FAM83D: variants seen among roughly 807,000 people sequenced by gnomAD.
FAM83D encodes the protein protein FAM83D.
FAM83D carries 26 observed loss-of-function variants against 25.4 expected under a neutral mutation model. The ratio of observed to expected loss-of-function variants is 1.02; its 90% confidence interval spans 0.75 to 1.42. The LOEUF is 1.42. Ranked by LOEUF, FAM83D falls within the 40% of genes most tolerant of loss-of-function variation. FAM83D has a pLI of 0.00. For missense variants in FAM83D, 740 were observed against 758.1 expected (o/e 0.98, Z 0.28); for synonymous variants, 310 against 318.5 (o/e 0.97, Z 0.28).
chr20:38,927,054 G>C, intron 1 of FAM83D, 129 bp downstream of exon 1: 1 of 1,377,394 alleles, frequency 7.3e-7, no homozygotes, highest in Non-Finnish European at 9.3e-7. Context: ...GCGCGGGCTA[G>C]GTGGTCCCAG....
intron 1 of FAM83D, among the ~76,000 whole-genome samples, chr20:38,927,258 G>A (rs2085640059): frequency 6.6e-6 from 1 of 152,148 alleles, no homozygotes. Context: ...ATCAAACTTG[G>A]AAAATTGCCT....
intron 2 of FAM83D, 45 bp from the exon 3 acceptor site, chr20:38,947,831 A>G: frequency 6.2e-7 from 1 of 1,603,826 alleles, no homozygotes; most frequent in Non-Finnish European, 8.5e-7. Context: ...GCAGATGAGT[A>G]TTGCTGAATT....
At chr20:38,940,676 G>A (rs2085697942) in intron 1 of FAM83D, among the ~76,000 whole-genome samples, 1 of 152,158 alleles carries the variant, frequency 6.6e-6, no homozygotes, top group South Asian at 2.1e-4. Context: ...AGTTTGTCAG[G>A]ACCTGTTTCT....
At chr20:38,933,213 G>A (rs910556611) in intron 1 of FAM83D, among the ~76,000 whole-genome samples, 3 of 152,268 alleles carry the variant, frequency 2.0e-5, no homozygotes, top group East Asian at 1.9e-4. Flanking sequence ...CCATTCACTC[G>A]ATGCCAATAG....
chr20:38,931,509 TC>T (rs540776610), intron 1 of FAM83D, among the ~76,000 whole-genome samples: 95 of 152,278 alleles, frequency 6.2e-4, no homozygotes, highest in African/African-American at 2.2e-3. Context: ...ACATGAAGGG[TC>T]CCACTTAACC....
At position 38,930,035 on chromosome 20, in the gene FAM83D, G is replaced by C. The variant is rs548077979; in HGVS notation, c.483+3110G>C. Reference sequence around the variant, plus strand: ...AGGGTTCAGGAGCCTGTGCTCAGGTGGGGAGAGGTGACAGCAGATCTGGTG... The same window carrying C: ...AGGGTTCAGGAGCCTGTGCTCAGGTCGGGAGAGGTGACAGCAGATCTGGTG... On this transcript the variant is annotated intron_variant, in intron 1 of 3. Transcript: ENST00000619850. Among the ~76,000 whole-genome samples, 17 of 152,322 alleles carry C rather than the reference G, an allele frequency of 1.1e-4. No individual in the cohort carries two copies. The East Asian group carries it at 2.7e-3, about 24-fold the overall frequency.
chr20:38,926,681 CG>C lies in FAM83D; in HGVS notation c.241del (p.Ala81ArgfsTer82). On this transcript the variant is annotated frameshift_variant, in exon 1 of 4. Coordinates refer to ENST00000619850, the MANE Select transcript of FAM83D (RefSeq NM_030919.3). LOFTEE classifies it high-confidence loss of function. The part of the protein sequence containing the change: ...RAAERPGEEG[A>X]AAAAAAEDSF... ...GCGGAGAGGCCGGGAGAGGAGGGCG[CG>C]GCGGCGGCGGCGGCGGCCGAGGACT... The C allele has an allele frequency of 7.1e-7, 1 of 1,407,788 alleles. No homozygotes were observed. Among genetic ancestry groups the C allele is most frequent in the Non-Finnish European group, 9.4e-7 (1 of 1,064,230 alleles). The allele number at this position is 1,407,788 out of a possible 1,614,324, so 87.2% of individuals were successfully genotyped here.
intron 1 of FAM83D, among the ~76,000 whole-genome samples, chr20:38,929,887 A>G (rs1404901429): frequency 1.3e-5 from 2 of 152,086 alleles, no homozygotes; most frequent in Non-Finnish European, 1.5e-5. Flanking sequence ...TTTACAGCTG[A>G]TAGAACTGAG....
intron 1 of FAM83D, among the ~76,000 whole-genome samples, chr20:38,929,566 G>A (rs60982917): frequency 0.027 from 4,110 of 151,310 alleles, 200 homozygotes; most frequent in African/African-American, 0.094. Context: ...AATGAGTTGG[G>A]TTTGAGACAG....
intron 2 of FAM83D, among the ~76,000 whole-genome samples, chr20:38,945,850 C>A (rs1173357454): frequency 2.0e-5 from 3 of 150,628 alleles, no homozygotes; most frequent in South Asian, 2.1e-4. Context: ...CATCAACCAG[C>A]CTCCCAAGTA....
At chr20:38,940,475 G>A (rs1192160301) in intron 1 of FAM83D, among the ~76,000 whole-genome samples, 2 of 152,302 alleles carry the variant, frequency 1.3e-5, no homozygotes, top group African/African-American at 4.8e-5. Flanking sequence ...CCATTCAAGA[G>A]CCTTTGCTGC....
rs534813259 is a variant in FAM83D, at chr20:38,926,679, C to CGCGGCGGCG, written c.249_257dup (p.Ala84_Ala86dup). The CGCGGCGGCG allele has an allele frequency of 1.1e-5, 17 of 1,519,840 alleles. No homozygotes were observed. Among genetic ancestry groups the CGCGGCGGCG allele is most frequent in the East Asian group, 2.5e-5 (1 of 39,808 alleles). The allele number at this position is 1,519,840 out of a possible 1,614,324, so 94.1% of individuals were successfully genotyped here. A position where few individuals can be genotyped will look rare whatever the true frequency, so the allele number is the denominator to read the frequency against. ...CGGCGGAGAGGCCGGGAGAGGAGGG[C>CGCGGCGGCG]GCGGCGGCGGCGGCGGCGGCCGAGG... On this transcript the variant is annotated inframe_insertion, in exon 1 of 4. Transcript: ENST00000619850.
intron 1 of FAM83D, 151 bp downstream of exon 1, chr20:38,927,076 C>T: frequency 7.5e-7 from 1 of 1,327,044 alleles, no homozygotes; most frequent in Non-Finnish European, 9.7e-7. Context: ...GTCTCCGACT[C>T]ACACCCCACT....
At position 38,926,853 on chromosome 20, in the gene FAM83D, C is replaced by T; in HGVS notation, c.411C>T (p.Pro137=). The T allele has an allele frequency of 1.3e-6, 2 of 1,524,742 alleles. No individual in the cohort carries two copies. The highest frequency in any genetic ancestry group is 1.4e-5 in the African/African-American group (1 of 72,164). 94.5% of individuals were successfully genotyped at this position (1,524,742 alleles called of 1,614,324 possible). ...GATRVETHFQ[P]RGAGEGGPYG... ...CGCGTGTCGAGACGCACTTCCAGCC[C>T]CGCGGCGCTGGCGAAGGTGGCCCCT... The change falls in exon 1 of 4, where the codon CCC becomes CCT. Residue 137 remains proline (P), a synonymous_variant. Transcript: ENST00000619850.
At chr20:38,939,130 G>A (rs1279102889) in intron 1 of FAM83D, among the ~76,000 whole-genome samples, 3 of 152,056 alleles carry the variant, frequency 2.0e-5, no homozygotes, top group Admixed American at 1.3e-4. Flanking sequence ...TACATACCCC[G>A]TCATGCCCTA....
At position 38,952,227 on chromosome 20, in the gene FAM83D, A is replaced by G. The variant is rs2085759041; in HGVS notation, c.1465A>G (p.Ser489Gly). 1.9e-6 allele frequency: 3 copies of G among 1,614,148 alleles called. No homozygotes were observed. Among genetic ancestry groups the G allele is most frequent in the South Asian group, 2.2e-5 (2 of 91,082 alleles). Residue 489 changes from serine (S) to glycine (G), a missense_variant, in exon 4 of 4, where the codon AGC (serine) becomes GGC (glycine). This residue lies in a region of FAM83D where 375 missense variants were observed against 403.2 expected (regional missense o/e 0.93). Coordinates refer to ENST00000619850, the MANE Select transcript of FAM83D (RefSeq NM_030919.3). The stretch of plus-strand genomic sequence containing the variant: ...TGTGTCTTCCCAAGGCTCTGTGGCA[A>G]GCTCCACTGGTTCTCCCGCTTCCAT... ...SSVSSQGSVA[S>G]STGSPASIRT... is the part of the protein sequence containing the mutation.
Position 38,926,695 on chromosome 20 carries a change from G to A in FAM83D, c.253G>A (p.Ala85Thr). ...AGAGGAGGGCGCGGCGGCGGCGGCG[G>A]CGGCCGAGGACTCGTTCGGCTCCTC... is the stretch of plus-strand genomic sequence containing the variant. ...PGEEGAAAAA[A>T]AEDSFGSSHD... is the part of the protein sequence containing the mutation. Residue 85 changes from alanine (A) to threonine (T), a missense_variant, in exon 1 of 4, where the codon GCG (alanine) becomes ACG (threonine). By Grantham distance (58) the Ala-to-Thr change is moderately conservative. This residue lies in a region of FAM83D where 333 missense variants were observed against 298.6 expected (regional missense o/e 1.12). Coordinates refer to ENST00000619850, the MANE Select transcript of FAM83D (RefSeq NM_030919.3). 1.3e-6 allele frequency: 2 copies of A among 1,520,722 alleles called. No homozygotes were observed. Among genetic ancestry groups the A allele is most frequent in the Non-Finnish European group, 1.8e-6 (2 of 1,140,956 alleles). The allele number at this position is 1,520,722 out of a possible 1,614,324, so 94.2% of individuals were successfully genotyped here.
At position 38,947,907 on chromosome 20, in the gene FAM83D, T is replaced by C; in HGVS notation, c.683T>C (p.Ile228Thr). 2.5e-6 allele frequency: 4 copies of C among 1,614,192 alleles called. No individual in the cohort carries two copies. Among genetic ancestry groups the C allele is most frequent in the Non-Finnish European group, 2.5e-6 (3 of 1,180,014 alleles). Residue 228 changes from isoleucine to threonine, a missense_variant, in exon 3 of 4, where the codon ATC becomes ACC. By Grantham distance (89) the Ile-to-Thr change is moderately conservative. Coordinates refer to ENST00000619850, the MANE Select transcript of FAM83D (RefSeq NM_030919.3). ...LMTVRTITGN[I>T]YYARSGTKII... ...ACAGTTCGGACTATCACAGGAAATA[T>C]CTACTATGCAAGGTCAGGAACTAAG...
chr20:38,952,346 C>A lies in FAM83D; in HGVS notation c.1584C>A (p.Asn528Lys). 1 of 1,614,158 alleles carries A rather than the reference C, an allele frequency of 6.2e-7. No individual in the cohort carries two copies. The highest frequency in any genetic ancestry group is 8.5e-7 in the Non-Finnish European group (1 of 1,180,032). The change falls in exon 4 of 4, where the codon AAC (asparagine) becomes AAA (lysine). Residue 528 changes from asparagine to lysine, a missense_variant. Coordinates refer to ENST00000619850, the MANE Select transcript of FAM83D (RefSeq NM_030919.3). ...TGAGTGACTCACTTAGAAACTTGAA[C>A]AAAGAGCGGCAATTCCACTTCGCTG... The part of the protein sequence containing the change: ...LYLSDSLRNL[N>K]KERQFHFAGI...
Sources: allele counts gnomAD v4.1 joint callset (sites outside exome capture counted in the v4.1 genomes callset), GRCh38; gene constraint gnomAD v4.1.1; regional missense constraint gnomAD v4.1.1; transcripts MANE v1.5; gene names NCBI Gene and HGNC (gene_info 2026-07-23, HGNC 2026-07-21).